LIN9: variants seen among roughly 807,000 people sequenced by gnomAD.
LIN9 encodes protein lin-9 homolog.
Under a neutral mutation model 78.0 loss-of-function variants are expected in LIN9, and 18 were observed. The observed-to-expected ratio is 0.23, with a 90% CI of 0.16 to 0.34. The LOEUF is 0.34. Ranked by LOEUF, LIN9 falls within the 10% of genes least tolerant of loss-of-function variation. The probability of loss-of-function intolerance (pLI) is 1.00; values close to 1 mark genes in which losing one functional copy is unlikely to be tolerated. For missense variants in LIN9, 451 were observed against 644.1 expected, an observed-to-expected ratio of 0.70 and a Z score of 3.25; for synonymous variants, 192 against 215.2, an observed-to-expected ratio of 0.89 and a Z score of 0.94.
chr1:226,298,511 T>C lies in LIN9; in HGVS notation c.65-698A>G, dbSNP rs564427317. Among the ~76,000 whole-genome samples, 258 of 152,348 alleles carry C rather than the reference T, an allele frequency of 1.7e-3. 1 individual carries two copies. The highest frequency in any genetic ancestry group is 6.1e-3 in the African/African-American group (255 of 41,576). On this transcript the variant is annotated intron_variant, in intron 2 of 14. Transcript: ENST00000681046. The stretch of plus-strand genomic sequence containing the variant: ...GCATGAGCCACCAGGCCAGCCTGTA[T>C]TTAGAGCACATTTCTAAATGTTTTC...
chr1:226,281,576 A>AC (rs1661055382), intron 6 of LIN9, among the ~76,000 whole-genome samples: 1 of 152,094 alleles, frequency 6.6e-6, no homozygotes, highest in Non-Finnish European at 1.5e-5. Context: ...GTACACATGT[A>AC]CTCCCAAAAT....
At chr1:226,287,856 T>C in intron 4 of LIN9, 59 bp from the exon 5 acceptor site, 2 of 1,254,044 alleles carry the variant, frequency 1.6e-6, no homozygotes, top group Admixed American at 2.7e-5. Flanking sequence ...TGAACATTTA[T>C]AACCCTGAAT....
intron 1 of LIN9, chr1:226,308,867 G>A (rs893031797): frequency 2.4e-5 from 7 of 292,076 alleles, no homozygotes; most frequent in Non-Finnish European, 4.4e-5. Context: ...GGCACAGGCT[G>A]GACTCCCGGG....
At chr1:226,293,103 A>G (rs1209525996) in intron 4 of LIN9, among the ~76,000 whole-genome samples, 1 of 152,226 alleles carries the variant, frequency 6.6e-6, no homozygotes, top group Admixed American at 6.5e-5. Context: ...CGAGAGATTT[A>G]GAAGATATGA....
intron 11 of LIN9, among the ~76,000 whole-genome samples, chr1:226,243,008 C>T (rs1658214425): frequency 6.6e-6 from 1 of 152,166 alleles, no homozygotes; most frequent in African/African-American, 2.4e-5. Context: ...CAGTAAAGCT[C>T]CTGGTCAACA....
chr1:226,305,984 G>A (rs112176557), intron 1 of LIN9, among the ~76,000 whole-genome samples: 1,815 of 152,200 alleles, frequency 0.012, 28 homozygotes, highest in African/African-American at 0.041. Flanking sequence ...ATATTTAGAA[G>A]GTAAAATTTA....
At chr1:226,296,693 G>C (rs1194184048) in intron 3 of LIN9, among the ~76,000 whole-genome samples, 1 of 152,078 alleles carries the variant, frequency 6.6e-6, no homozygotes, top group Non-Finnish European at 1.5e-5. Context: ...CAACATATGG[G>C]CAACATCCAC....
chr1:226,233,047 T>A, intron 14 of LIN9, 49 bp downstream of exon 14: 1 of 1,120,058 alleles, frequency 8.9e-7, no homozygotes, highest in Non-Finnish European at 1.3e-6. Flanking sequence ...GGACTGAAAA[T>A]TACTATGAAC....
At chr1:226,280,111 T>C (rs530692355) in intron 6 of LIN9, among the ~76,000 whole-genome samples, 1 of 152,328 alleles carries the variant, frequency 6.6e-6, no homozygotes, top group South Asian at 2.1e-4. Context: ...CTGAATTCCC[T>C]CTTATTTCTA....
chr1:226,247,752 A>G (rs1357364534), intron 11 of LIN9, among the ~76,000 whole-genome samples: 2 of 151,602 alleles, frequency 1.3e-5, no homozygotes, highest in Non-Finnish European at 2.9e-5. Flanking sequence ...GCTCACTGCA[A>G]TGTCTGCTTC....
chr1:226,234,431 G>A (rs1558149892), intron 12 of LIN9, among the ~76,000 whole-genome samples: 4 of 152,080 alleles, frequency 2.6e-5, no homozygotes, highest in Admixed American at 2.0e-4. Flanking sequence ...TTTATTCTAT[G>A]GGTTATAATC....
chr1:226,294,752 A>T (rs1424173471), intron 4 of LIN9, among the ~76,000 whole-genome samples: 8 of 152,136 alleles, frequency 5.3e-5, no homozygotes, highest in Non-Finnish European at 1.2e-4. Flanking sequence ...CATTACCCTT[A>T]AAGTTAATAT....
At chr1:226,291,475 T>G (rs943184275) in intron 4 of LIN9, among the ~76,000 whole-genome samples, 6 of 152,088 alleles carry the variant, frequency 3.9e-5, no homozygotes, top group Non-Finnish European at 7.4e-5. Context: ...TATATACATT[T>G]AACAATATTA....
At chr1:226,233,901 C>T (rs1404028793) in intron 12 of LIN9, among the ~76,000 whole-genome samples, 1 of 152,182 alleles carries the variant, frequency 6.6e-6, no homozygotes, top group Non-Finnish European at 1.5e-5. Flanking sequence ...CCTCTAATCA[C>T]TCCAGTTTGT....
chr1:226,260,268 T>C (rs973651699), intron 10 of LIN9, among the ~76,000 whole-genome samples: 3 of 152,162 alleles, frequency 2.0e-5, no homozygotes, highest in African/African-American at 7.2e-5. Flanking sequence ...GAGGAAGAAA[T>C]TATACCCAAC....
intron 1 of LIN9, 179 bp downstream of exon 1, chr1:226,308,930 C>T: frequency 2.2e-6 from 1 of 453,094 alleles, no homozygotes; most frequent in Non-Finnish European, 3.5e-6. Context: ...AACACACAGA[C>T]ACCATAACAA....
At position 226,272,967 on chromosome 1, in the gene LIN9, C is replaced by G. The variant is rs964010690; in HGVS notation, c.682+4808G>C. Among the ~76,000 whole-genome samples the G allele has an allele frequency of 8.5e-5, 13 of 152,070 alleles. No homozygotes were observed. In the South Asian group the frequency reaches 1.0e-3, roughly 12 times the overall value. Reference sequence around the variant, plus strand: ...CTTTGATTCAGCTGGACATCATCACCCCCACGACCTGGTGTTGGGTCTGAT... The same window carrying G: ...CTTTGATTCAGCTGGACATCATCACGCCCACGACCTGGTGTTGGGTCTGAT... On this transcript the variant is annotated intron_variant, in intron 7 of 14. Coordinates refer to ENST00000681046, the MANE Select transcript of LIN9 (RefSeq NM_001366245.2).
At chr1:226,278,886 C>A (rs1372345112) in intron 6 of LIN9, among the ~76,000 whole-genome samples, 1 of 150,464 alleles carries the variant, frequency 6.6e-6, no homozygotes, top group Admixed American at 6.6e-5. Flanking sequence ...CTTTGGGAGG[C>A]CGAGGCGGGT....
intron 8 of LIN9, 94 bp downstream of exon 8, chr1:226,267,863 T>G: frequency 2.3e-6 from 3 of 1,305,366 alleles, no homozygotes; most frequent in Non-Finnish European, 3.1e-6. Context: ...TGAGATAAAG[T>G]CTTGATTCTA....
Sources: gnomAD v4.1 joint callset for allele counts (sites outside exome capture counted in the v4.1 genomes callset) on GRCh38, gnomAD v4.1.1 for gene constraint, MANE v1.5 for transcripts, NCBI Gene and HGNC (gene_info 2026-07-23, HGNC 2026-07-21) for gene names.